The following PYGL variants were observed in gnomAD, a reference collection of about 807,000 sequenced individuals.
PYGL encodes the protein glycogen phosphorylase L.
Under a neutral mutation model 100.1 loss-of-function variants are expected in PYGL, and 90 were observed. The observed-to-expected ratio is 0.90, with a 90% CI of 0.76 to 1.07. PYGL has a LOEUF of 1.07. PYGL is among the 50% of genes least tolerant of loss of function. PYGL has a pLI of 0.00. For missense variants in PYGL, 1,016 were observed against 1,057.6 expected, an observed-to-expected ratio of 0.96 and a Z score of 0.55; for synonymous variants, 373 against 393.0, an observed-to-expected ratio of 0.95 and a Z score of 0.60.
Position 50,915,478 on chromosome 14 carries a change from T to G in PYGL, c.1261A>C (p.Lys421Gln). The G allele has an allele frequency of 6.2e-7, 1 of 1,614,228 alleles. No homozygotes were observed. The highest frequency in any genetic ancestry group is 8.5e-7 in the Non-Finnish European group (1 of 1,180,048). Residue 421 changes from lysine (K) to glutamine (Q), a missense_variant, in exon 11 of 20, where the codon AAA (lysine) becomes CAA (glutamine). Transcript: ENST00000216392. ...HLDRIVALFP[K>Q]DVDRLRRMSL... Reference sequence around the variant, plus strand: ...ATCCTTCTCAGACGGTCCACATCTTTAGGAAACAAGGCCACAATTCTCTAG... The same window carrying G: ...ATCCTTCTCAGACGGTCCACATCTTGAGGAAACAAGGCCACAATTCTCTAG...
At chr14:50,915,641 G>A (rs1007935916) in intron 10 of PYGL, 142 bp from the exon 11 acceptor site, 16 of 1,360,430 alleles carry the variant, frequency 1.2e-5, no homozygotes, top group Admixed American at 3.9e-5. Context: ...TTAGCTCTAT[G>A]GAGGTGCCAT....
chr14:50,911,656 C>T, intron 16 of PYGL, 74 bp downstream of exon 16: 2 of 1,572,978 alleles, frequency 1.3e-6, no homozygotes, highest in Non-Finnish European at 1.7e-6. Context: ...TGGAGGTTGG[C>T]TGCCCCATCT....
At chr14:50,912,450 C>T in intron 13 of PYGL, 147 bp from the exon 14 acceptor site, 1 of 958,574 alleles carries the variant, frequency 1.0e-6, no homozygotes, top group South Asian at 1.3e-5. Context: ...CCTCCACCTC[C>T]CACATTCAAG....
chr14:50,909,996 G>C lies in PYGL; in HGVS notation c.2076C>G (p.Thr692=), dbSNP rs2050376833. The C allele has an allele frequency of 6.2e-7, 1 of 1,614,164 alleles. No individual in the cohort carries two copies. ...FMLNGALTIG[T]MDGANVEMAE... ...CCATTTCCACATTGGCCCCATCCATGGTCCCGATAGTTAGGGCCCCATTTA... is the reference window on the plus strand; with the variant it reads ...CCATTTCCACATTGGCCCCATCCATCGTCCCGATAGTTAGGGCCCCATTTA... Residue 692 remains threonine (T), a synonymous_variant, in exon 17 of 20, where the codon ACC becomes ACG. Transcript: ENST00000216392.
At position 50,944,371 on chromosome 14, in the gene PYGL, C is replaced by T; in HGVS notation, c.33G>A (p.Arg11=). MAKPLTDQEK[R]RQISIRGIVG... is the part of the protein sequence containing the mutation. Reference sequence around the variant, plus strand: ...CGATGCCGCGGATGCTGATCTGCCGCCGCTTCTCCTGGTCCGTCAGGGGCT... The same window carrying T: ...CGATGCCGCGGATGCTGATCTGCCGTCGCTTCTCCTGGTCCGTCAGGGGCT... Residue 11 remains arginine, a synonymous_variant, in exon 1 of 20, where the codon CGG becomes CGA. Coordinates refer to ENST00000216392, the MANE Select transcript of PYGL (RefSeq NM_002863.5). 3 of 1,613,432 alleles carry T rather than the reference C, an allele frequency of 1.9e-6. No homozygotes were observed. Among genetic ancestry groups the T allele is most frequent in the Non-Finnish European group, 2.5e-6 (3 of 1,179,788 alleles).
chr14:50,929,333 G>A lies in PYGL; in HGVS notation c.528+2340C>T, dbSNP rs561222149. Among the ~76,000 whole-genome samples, 693 of 152,252 alleles carry A rather than the reference G, an allele frequency of 4.6e-3. 4 individuals are homozygous for A. Among genetic ancestry groups the A allele is most frequent in the African/African-American group, 0.015 (637 of 41,530 alleles). ...CTCCCAAAGTGCTGGGATTACAGGC[G>A]TGAGCCACTGCACCTGGCCAGCTTT... On this transcript the variant is annotated intron_variant, in intron 4 of 19. Transcript: ENST00000216392.
At chr14:50,906,672 G>A (rs1244434691) in intron 19 of PYGL, among the ~76,000 whole-genome samples, 1 of 152,108 alleles carries the variant, frequency 6.6e-6, no homozygotes, top group Non-Finnish European at 1.5e-5. Context: ...CTGTTTTATT[G>A]ATCTGTCTTG....
At chr14:50,910,159 G>A (rs1440454394) in intron 16 of PYGL, 57 bp from the exon 17 acceptor site, 63 of 1,518,548 alleles carry the variant, frequency 4.1e-5, no homozygotes, top group Non-Finnish European at 5.2e-5. Flanking sequence ...TGCTTGTATT[G>A]TATTGAAGCA....
intron 13 of PYGL, 70 bp from the exon 14 acceptor site, chr14:50,912,373 T>G (rs990646787): frequency 1.4e-4 from 213 of 1,562,934 alleles, no homozygotes; most frequent in Non-Finnish European, 1.6e-4. Context: ...TTTTTCTTTT[T>G]TTTGAGACGG....
chr14:50,905,588 G>A, intron 19 of PYGL, 32 bp from the exon 20 acceptor site: 1 of 1,607,996 alleles, frequency 6.2e-7, no homozygotes, highest in Non-Finnish European at 8.5e-7. Flanking sequence ...ACAGCCCAGA[G>A]TCCCAGTGCG....
At chr14:50,940,260 A>C (rs1290123952) in intron 1 of PYGL, among the ~76,000 whole-genome samples, 3 of 151,744 alleles carry the variant, frequency 2.0e-5, no homozygotes, top group African/African-American at 7.3e-5. Flanking sequence ...TTATCTCTAT[A>C]ACCATGATGT....
Position 50,915,424 on chromosome 14 carries a change from T to C in PYGL, c.1315A>G (p.Arg439Gly). ...MSLIEEEGSKRINMAHLCIVG... is the reference protein window; with the variant it reads ...MSLIEEEGSKGINMAHLCIVG... ...ATGCAGAGATGGGCCATGTTGATCC[T>C]TTTGCTTCCTTCCTCTTCTATCAGA... The change falls in exon 11 of 20, where the codon AGG becomes GGG. Residue 439 changes from arginine (R) to glycine (G), a missense_variant. Physicochemically the swap from Arg to Gly is moderately radical, Grantham distance 125 (BLOSUM62 -2). Transcript: ENST00000216392. 6.2e-7 allele frequency: 1 copy of C among 1,614,186 alleles called. No homozygotes were observed. Among genetic ancestry groups the C allele is most frequent in the Non-Finnish European group, 8.5e-7 (1 of 1,180,006 alleles).
chr14:50,915,237 C>A, intron 11 of PYGL, 99 bp downstream of exon 11: 1 of 1,377,256 alleles, frequency 7.3e-7, no homozygotes, highest in Non-Finnish European at 1.0e-6. Flanking sequence ...AACATTTGAA[C>A]AAGGCCTTTC....
Position 50,912,231 on chromosome 14 carries a change from C to G in PYGL, c.1693G>C (p.Asp565His). Residue 565 changes from aspartate to histidine, a missense_variant, in exon 14 of 20, where the codon GAT becomes CAT. Transcript: ENST00000216392. The stretch of plus-strand genomic sequence containing the variant: ...TCATGTATCCTCTTCACCTGGACAT[C>G]AAACATGGAGGATGGGTTGATCTTC... ...KVKINPSSMF[D>H]VQVKRIHEYK... 1.2e-6 allele frequency: 2 copies of G among 1,614,172 alleles called. No individual in the cohort carries two copies. The highest frequency in any genetic ancestry group is 1.1e-5 in the South Asian group (1 of 91,088).
In PYGL at chr14:50,914,775, T is replaced by C. The variant is rs201687458; in HGVS notation, c.1444A>G (p.Asn482Asp). 1.2e-6 allele frequency: 2 copies of C among 1,614,060 alleles called. No homozygotes were observed. Among genetic ancestry groups the C allele is most frequent in the Non-Finnish European group, 1.7e-6 (2 of 1,179,944 alleles). Residue 482 changes from asparagine to aspartate, a missense_variant, in exon 12 of 20, where the codon AAT (asparagine) becomes GAT (aspartate). By Grantham distance (23) the Asn-to-Asp change is conservative. Transcript: ENST00000216392. ...FSELEPDKFQ[N>D]KTNGITPRRW... Reference sequence around the variant, plus strand: ...CTTGGAGTGATCCCATTGGTTTTATTCTGAAACTTGTCAGGTTCTAGCTCA... The same window carrying C: ...CTTGGAGTGATCCCATTGGTTTTATCCTGAAACTTGTCAGGTTCTAGCTCA...
chr14:50,927,065 T>C (rs1245486601), intron 4 of PYGL, among the ~76,000 whole-genome samples: 1 of 152,030 alleles, frequency 6.6e-6, no homozygotes, highest in African/African-American at 2.4e-5. Flanking sequence ...GGAGAACTGA[T>C]GACATATTTT....
rs570502261 is a variant in PYGL, at chr14:50,924,625, G to A, written c.529-525C>T. On this transcript the variant is annotated intron_variant, in intron 4 of 19. Transcript: ENST00000216392. ...GAACACTCTTTTAATCAAGCTTATT[G>A]GTATAGGTACAGAACATTATTGCAT... Among the ~76,000 whole-genome samples, 4 of 152,116 alleles carry A rather than the reference G, an allele frequency of 2.6e-5. 1 individual carries two copies. Among genetic ancestry groups the A allele is most frequent in the African/African-American group, 9.6e-5 (4 of 41,526 alleles).
intron 1 of PYGL, among the ~76,000 whole-genome samples, chr14:50,940,448 T>C (rs1410135591): frequency 2.0e-5 from 3 of 152,198 alleles, no homozygotes; most frequent in African/African-American, 7.2e-5. Flanking sequence ...TTTCAAAGTC[T>C]CTCTTGAGAG....
chr14:50,918,603 C>T (rs1344518044), intron 7 of PYGL, among the ~76,000 whole-genome samples: 1 of 152,164 alleles, frequency 6.6e-6, no homozygotes, highest in Non-Finnish European at 1.5e-5. Flanking sequence ...TGTGTTCTCA[C>T]TTGTAAGTGG....
Sources: gnomAD v4.1 joint callset for allele counts (sites outside exome capture counted in the v4.1 genomes callset) on GRCh38, gnomAD v4.1.1 for gene constraint, MANE v1.5 for transcripts, NCBI Gene and HGNC (gene_info 2026-07-23, HGNC 2026-07-21) for gene names.